DERL1: variants seen among roughly 807,000 people sequenced by gnomAD.
The protein encoded by DERL1 is derlin-1.
Under a neutral mutation model 41.6 loss-of-function variants are expected in DERL1, and 24 were observed. The observed-to-expected ratio is 0.58, with a 90% confidence interval of 0.42 to 0.81. The LOEUF (loss-of-function observed/expected upper bound fraction) is 0.81, where lower values mean the gene tolerates loss of function less well. DERL1 is among the 30% of genes least tolerant of loss of function. The probability of loss-of-function intolerance (pLI) is 0.00; values close to 1 mark genes in which losing one functional copy is unlikely to be tolerated. For synonymous variants in DERL1, 124 were observed against 112.5 expected (o/e 1.10, Z -0.65); for missense variants, 260 against 314.3 (o/e 0.83, Z 1.31).
In DERL1 at chr8:123,022,799, G is replaced by A; in HGVS notation, c.358-20C>T. The A allele has an allele frequency of 6.2e-7, 1 of 1,609,324 alleles. No individual in the cohort carries two copies. The highest frequency in any genetic ancestry group is 8.5e-7 in the Non-Finnish European group (1 of 1,175,770). On this transcript the variant is annotated intron_variant, in intron 4 of 7. Transcript: ENST00000259512. ...CAGCAACTGCAAAAGAAGTCGACAT[G>A]TAAAAACCAGGCTCCAGAGGCACTT...
Position 123,020,961 on chromosome 8 carries a change from C to T in DERL1, c.506+486G>A, listed in dbSNP as rs560167870. On this transcript the variant is annotated intron_variant, in intron 6 of 7. Coordinates refer to ENST00000259512, the MANE Select transcript of DERL1 (RefSeq NM_024295.6). ...AGCCTGGGCAACAAAAGTGAAACTT[C>T]GTCTCAAAAAAAAAAAAAAAAAAGT... Among the ~76,000 whole-genome samples the T allele has an allele frequency of 1.3e-4, 19 of 146,396 alleles. No individual in the cohort carries two copies. In the South Asian group the frequency reaches 1.5e-3, roughly 12 times the overall value.
In DERL1 at chr8:123,019,309, C is replaced by A. The variant is rs546867515; in HGVS notation, c.507-4G>T. On this transcript the variant is annotated splice_polypyrimidine_tract_variant and splice_region_variant and intron_variant, in intron 6 of 7. Coordinates refer to ENST00000259512, the MANE Select transcript of DERL1 (RefSeq NM_024295.6). ...TCCAATAAGCTCATTGATTACCCTG[C>A]AAAGAGAGCCAAATGAGTTTAAAGA... The A allele has an allele frequency of 8.2e-6, 13 of 1,587,528 alleles. No individual in the cohort carries two copies. The highest frequency in any genetic ancestry group is 7.8e-6 in the Non-Finnish European group (9 of 1,156,432).
In DERL1 at chr8:123,042,294, C is replaced by A. The variant is rs1813101036; in HGVS notation, c.-172G>T. The A allele has an allele frequency of 1.1e-6, 1 of 909,842 alleles. No homozygotes were observed. The highest frequency in any genetic ancestry group is 1.7e-5 in the African/African-American group (1 of 58,344). 56.4% of individuals were successfully genotyped at this position (909,842 alleles called of 1,614,324 possible). The stretch of plus-strand genomic sequence containing the variant: ...CGCCACCGAATTCGGACCAGCGAGG[C>A]AGCCTTCTGAGGCGAAACTTCCCCT... On this transcript the variant is annotated 5_prime_UTR_variant, in exon 1 of 8. Coordinates refer to ENST00000259512, the MANE Select transcript of DERL1 (RefSeq NM_024295.6).
intron 2 of DERL1, among the ~76,000 whole-genome samples, chr8:123,027,246 A>G (rs552902754): frequency 1.3e-5 from 2 of 149,350 alleles, no homozygotes; most frequent in Non-Finnish European, 3.0e-5. Flanking sequence ...AAGAGCCAAG[A>G]CAGTGCCACT....
intron 1 of DERL1, 149 bp downstream of exon 1, chr8:123,041,821 G>T: frequency 8.9e-7 from 1 of 1,129,672 alleles, no homozygotes; most frequent in Non-Finnish European, 1.2e-6. Flanking sequence ...GCCTCCCCGG[G>T]CCCAAAGGAC....
At position 123,015,289 on chromosome 8, in the gene DERL1, A is replaced by G. The variant is rs924198491; in HGVS notation, c.*158T>C. ...GAATCGTGAAACTTGTGGAACACTTATATTTTTCTTCGGGATTTAAGAAAC... is the reference window on the plus strand; with the variant it reads ...GAATCGTGAAACTTGTGGAACACTTGTATTTTTCTTCGGGATTTAAGAAAC... On this transcript the variant is annotated 3_prime_UTR_variant, in exon 8 of 8. Coordinates refer to ENST00000259512, the MANE Select transcript of DERL1 (RefSeq NM_024295.6). 6 of 1,000,582 alleles carry G rather than the reference A, an allele frequency of 6.0e-6. No homozygotes were observed. Among genetic ancestry groups the G allele is most frequent in the Non-Finnish European group, 8.4e-6 (6 of 711,350 alleles). The allele number at this position is 1,000,582 out of a possible 1,614,324, so 62.0% of individuals were successfully genotyped here.
At chr8:123,019,106 G>T (rs547101009) in intron 7 of DERL1, 89 bp downstream of exon 7, 131 of 900,274 alleles carry the variant, frequency 1.5e-4, no homozygotes, top group Middle Eastern at 2.1e-4. Flanking sequence ...GGGCATAGGG[G>T]TAAATCATAC....
At position 123,014,397 on chromosome 8, in the gene DERL1, CAATT is replaced by C. The variant is rs1434061145; in HGVS notation, c.*1046_*1049del. 3.9e-5 allele frequency: 6 copies of C among 152,706 alleles called. No individual in the cohort carries two copies. In the East Asian group the frequency reaches 7.7e-4, roughly 20 times the overall value. The allele number at this position is 152,706 out of a possible 1,614,324, so 9.5% of individuals were successfully genotyped here. A position where few individuals can be genotyped will look rare whatever the true frequency, so the allele number is the denominator to read the frequency against. On this transcript the variant is annotated 3_prime_UTR_variant, in exon 8 of 8. Coordinates refer to ENST00000259512, the MANE Select transcript of DERL1 (RefSeq NM_024295.6). ...GCAGAGAGGAGCTGCGCCTTCCTCA[CAATT>C]AATTGAAACATGACCAAAAAACGGG...
chr8:123,039,697 T>G (rs1479338761), intron 1 of DERL1, among the ~76,000 whole-genome samples: 1 of 152,200 alleles, frequency 6.6e-6, no homozygotes, highest in African/African-American at 2.4e-5. Context: ...TGCCTCTATG[T>G]CTTCACAGGC....
intron 1 of DERL1, among the ~76,000 whole-genome samples, chr8:123,039,541 C>T (rs1586472288): frequency 6.6e-6 from 1 of 152,348 alleles, no homozygotes; most frequent in African/African-American, 2.4e-5. Context: ...CTTTCACTTA[C>T]TAGTCCTTCC....
intron 1 of DERL1, among the ~76,000 whole-genome samples, chr8:123,037,941 TCAA>T (rs1272807703): frequency 6.6e-6 from 1 of 152,188 alleles, no homozygotes; most frequent in Non-Finnish European, 1.5e-5. Flanking sequence ...GTGTAGTTAA[TCAA>T]CGATTAATAT....
chr8:123,025,023 T>G lies in DERL1; in HGVS notation c.293A>C (p.Tyr98Ser). The change falls in exon 3 of 8, where the codon TAT (tyrosine) becomes TCT (serine). Residue 98 changes from tyrosine to serine, a missense_variant. Coordinates refer to ENST00000259512, the MANE Select transcript of DERL1 (RefSeq NM_024295.6). Reference protein sequence around the residue: ...TGAFDGRPADYLFMLLFNWIC... With the variant: ...TGAFDGRPADSLFMLLFNWIC... Reference sequence around the variant, plus strand: ...CCAGTTAAAGAGGAGCATGAATAAATAGTCTGCTGGCCTCCCATCAAAAGC... The same window carrying G: ...CCAGTTAAAGAGGAGCATGAATAAAGAGTCTGCTGGCCTCCCATCAAAAGC... 6.2e-7 allele frequency: 1 copy of G among 1,613,774 alleles called. No homozygotes were observed. Among genetic ancestry groups the G allele is most frequent in the Non-Finnish European group, 8.5e-7 (1 of 1,179,888 alleles).
intron 4 of DERL1, among the ~76,000 whole-genome samples, chr8:123,023,451 A>C (rs1812611712): frequency 6.6e-6 from 1 of 152,156 alleles, no homozygotes; most frequent in East Asian, 1.9e-4. Flanking sequence ...GCTACACGGG[A>C]AGCTGAGGCA....
At chr8:123,025,378 G>C (rs1295926276) in intron 2 of DERL1, among the ~76,000 whole-genome samples, 7 of 152,184 alleles carry the variant, frequency 4.6e-5, no homozygotes, top group Non-Finnish European at 7.3e-5. Context: ...AGACCAGTGA[G>C]GCCCCCCAAG....
chr8:123,027,273 G>A (rs112771954), intron 2 of DERL1, among the ~76,000 whole-genome samples: 121 of 133,050 alleles, frequency 9.1e-4, no homozygotes, highest in African/African-American at 3.2e-3. Context: ...CAGCCTGGGC[G>A]ACAGAGTGAG....
chr8:123,022,810 G>A (rs770206470), intron 4 of DERL1, 31 bp from the exon 5 acceptor site: 20 of 1,592,230 alleles, frequency 1.3e-5, no homozygotes, highest in Non-Finnish European at 1.7e-5. Context: ...TAAAAACCAG[G>A]CTCCAGAGGC....
At position 123,021,447 on chromosome 8, in the gene DERL1, G is replaced by C; in HGVS notation, c.506C>G (p.Ser169Trp). Residue 169 changes from serine (S) to tryptophan (W), a missense_variant and splice_region_variant, in exon 6 of 8, where the codon TCG becomes TGG. By Grantham distance (177) the Ser-to-Trp change is radical. Coordinates refer to ENST00000259512, the MANE Select transcript of DERL1 (RefSeq NM_024295.6). ...ATTAAATAAATCTAATATCACTTACGAGCCTCCGATGATATAGTTGAATCC... is the reference window on the plus strand; with the variant it reads ...ATTAAATAAATCTAATATCACTTACCAGCCTCCGATGATATAGTTGAATCC... ...ILGFNYIIGG[S>W]VINELIGNLV... 1 of 1,612,850 alleles carries C rather than the reference G, an allele frequency of 6.2e-7. No individual in the cohort carries two copies. Among genetic ancestry groups the C allele is most frequent in the Non-Finnish European group, 8.5e-7 (1 of 1,178,952 alleles).
chr8:123,022,830 A>G (rs1218087680), intron 4 of DERL1, 51 bp from the exon 5 acceptor site: 1 of 1,497,354 alleles, frequency 6.7e-7, no homozygotes. Flanking sequence ...CACTTAAAAA[A>G]GGTGTACATC....
intron 1 of DERL1, among the ~76,000 whole-genome samples, chr8:123,033,373 T>C (rs116363118): frequency 0.024 from 3,719 of 152,268 alleles, 157 homozygotes; most frequent in African/African-American, 0.085. Context: ...GCTTTTAGAG[T>C]TGTCTATAGA....
Sources: allele counts gnomAD v4.1 joint callset (sites outside exome capture counted in the v4.1 genomes callset), GRCh38; gene constraint gnomAD v4.1.1; transcripts MANE v1.5; gene names NCBI Gene and HGNC (gene_info 2026-07-23, HGNC 2026-07-21).